Variants in FBN3 observed in about 807,000 individuals in gnomAD.
FBN3 encodes fibrillin-3.
A neutral mutation model predicts 330.1 loss-of-function variants in FBN3; 234 were observed. That is an observed-to-expected ratio of 0.71 (90% CI 0.64 to 0.79). FBN3 has a LOEUF of 0.79. FBN3 is among the 30% of genes least tolerant of loss of function. The pLI is 0.00. For synonymous variants in FBN3, 1,458 were observed against 1,517.3 expected (o/e 0.96, Z 0.91); for missense variants, 3,606 against 3,886.9 (o/e 0.93, Z 1.92).
intron 55 of FBN3, 35 bp from the exon 56 acceptor site, chr19:8,085,604 C>T (rs1041725098): frequency 6.8e-7 from 1 of 1,467,966 alleles, no homozygotes; most frequent in Non-Finnish European, 9.1e-7. Context: ...ACGGTCACTC[C>T]AGGAGGCTGG....
At chr19:8,147,061 C>T (rs1201378383) in intron 3 of FBN3, 43 bp downstream of exon 3, 4 of 1,512,204 alleles carry the variant, frequency 2.6e-6, no homozygotes, top group South Asian at 2.4e-5. Flanking sequence ...TAAGAGTGTC[C>T]CCGGCCTGTG....
chr19:8,145,373 C>G (rs1260726028), intron 5 of FBN3, among the ~76,000 whole-genome samples: 1 of 86,356 alleles, frequency 1.2e-5, no homozygotes, highest in African/African-American at 5.5e-5. Flanking sequence ...AACTCCATCT[C>G]AAAAAAAAAA....
In FBN3 at chr19:8,066,140, T is replaced by C; in HGVS notation, c.8209A>G (p.Ile2737Val). Reference sequence around the variant, plus strand: ...TTTCCGCGGACGATGACGTAGCGGATCCGGCCCTCTAGACCCTCCAGGGCC... The same window carrying C: ...TTTCCGCGGACGATGACGTAGCGGACCCGGCCCTCTAGACCCTCCAGGGCC... ...RPALEGLEGRIRYVIVRGNEQ... is the reference protein window; with the variant it reads ...RPALEGLEGRVRYVIVRGNEQ... Residue 2737 changes from isoleucine to valine, a missense_variant, in exon 64 of 64, where the codon ATC (isoleucine) becomes GTC (valine). Physicochemically the swap from Ile to Val is conservative, Grantham distance 29. Transcript: ENST00000600128. 6.2e-7 allele frequency: 1 copy of C among 1,613,476 alleles called. No individual in the cohort carries two copies. Among genetic ancestry groups the C allele is most frequent in the Non-Finnish European group, 8.5e-7 (1 of 1,180,008 alleles).
chr19:8,112,596 G>A (rs944520803), intron 30 of FBN3, among the ~76,000 whole-genome samples: 1 of 152,176 alleles, frequency 6.6e-6, no homozygotes, highest in African/African-American at 2.4e-5. Context: ...CTTGCAGTGA[G>A]CAGAGGTTGT....
rs2081781586 is a variant in FBN3, at chr19:8,081,426, G to A, written c.7268C>T (p.Thr2423Met). The A allele has an allele frequency of 7.4e-6, 12 of 1,612,484 alleles. No homozygotes were observed. The highest frequency in any genetic ancestry group is 4.0e-5 in the African/African-American group (3 of 74,828). ...PKPCTFLCKN[T>M]KGSFLCSCPR... Reference sequence around the variant, plus strand: ...ACAGCTGCACAGGAAACTGCCCTTCGTGTTTTTGCAGAGGAAGGTACATGG... The same window carrying A: ...ACAGCTGCACAGGAAACTGCCCTTCATGTTTTTGCAGAGGAAGGTACATGG... The change falls in exon 58 of 64, where the codon ACG (threonine) becomes ATG (methionine). Residue 2423 changes from threonine (T) to methionine (M), a missense_variant. Thr to Met is a moderately conservative substitution (Grantham distance 81). Coordinates refer to ENST00000600128, the MANE Select transcript of FBN3 (RefSeq NM_032447.5).
chr19:8,111,539 G>A (rs920843914), intron 32 of FBN3, 109 bp downstream of exon 32: 24 of 1,248,528 alleles, frequency 1.9e-5, no homozygotes, highest in South Asian at 1.3e-4. Context: ...ACAGAGCGGC[G>A]ATTGAGTCAG....
At chr19:8,120,165 C>CTTTTTTTTTT (rs34799960) in intron 25 of FBN3, among the ~76,000 whole-genome samples, 4 of 127,920 alleles carry the variant, frequency 3.1e-5, no homozygotes, top group African/African-American at 9.1e-5. Context: ...TTCTTTCTTT[C>CTTTTTTTTTT]TTTTTTTTTT....
chr19:8,074,450 G>A (rs918070333), intron 61 of FBN3, among the ~76,000 whole-genome samples: 1 of 152,170 alleles, frequency 6.6e-6, no homozygotes, highest in African/African-American at 2.4e-5. Context: ...CCAGGAGCCT[G>A]AAGGGGCAGA....
chr19:8,147,245 T>C, intron 2 of FBN3, 59 bp from the exon 3 acceptor site: 3 of 1,558,218 alleles, frequency 1.9e-6, no homozygotes, highest in Non-Finnish European at 2.6e-6. Flanking sequence ...TCCCCCCGGG[T>C]ATTCCGCTGG....
chr19:8,143,493 T>TTTTC (rs1202785753), intron 6 of FBN3, among the ~76,000 whole-genome samples: 6 of 116,084 alleles, frequency 5.2e-5, no homozygotes, highest in Non-Finnish European at 5.1e-5. Flanking sequence ...TTTTCTTTTC[T>TTTTC]TTTCTTTTTT....
chr19:8,098,374 C>T (rs1414290328), intron 41 of FBN3, among the ~76,000 whole-genome samples: 1 of 151,280 alleles, frequency 6.6e-6, no homozygotes, highest in Non-Finnish European at 1.5e-5. Flanking sequence ...TGGAAATAAC[C>T]TAAGTGCCCA....
In FBN3 at chr19:8,123,475, C is replaced by T. The variant is rs151226812; in HGVS notation, c.3071G>A (p.Arg1024Gln). 1.9e-5 allele frequency: 30 copies of T among 1,613,630 alleles called. No individual in the cohort carries two copies. In the Middle Eastern group the frequency reaches 4.9e-4, roughly 27 times the overall value. Residue 1024 changes from arginine (R) to glutamine (Q), a missense_variant, in exon 24 of 64, where the codon CGG becomes CAG. Arg to Gln is a conservative substitution (Grantham distance 43). Coordinates refer to ENST00000600128, the MANE Select transcript of FBN3 (RefSeq NM_032447.5). ...GAGGTGGCACCTACCTGTGCAGTTC[C>T]GTTCCTGGGCATCCAGGGCGAAGCC... The part of the protein sequence containing the change: ...AGGFALDAQE[R>Q]NCTDIDECRI...
rs1346896148 is a variant in FBN3 at position 8,095,999 on chromosome 19, G to A, written c.5621C>T (p.Pro1874Leu). ...CCCATTGTGTGTCACCACAAAGCCA[G>A]GGAAGCAGAGGCAGTTGTAGGAGCC... ...IIGSYNCLCF[P>L]GFVVTHNGDC... Residue 1874 changes from proline to leucine, a missense_variant, in exon 45 of 64, where the codon CCT (proline) becomes CTT (leucine). Coordinates refer to ENST00000600128, the MANE Select transcript of FBN3 (RefSeq NM_032447.5). 1.2e-6 allele frequency: 2 copies of A among 1,613,888 alleles called. No individual in the cohort carries two copies. Among genetic ancestry groups the A allele is most frequent in the South Asian group, 2.2e-5 (2 of 91,076 alleles).
At chr19:8,088,206 C>T (rs1207445181) in intron 51 of FBN3, 27 bp from the exon 52 acceptor site, 2 of 1,564,634 alleles carry the variant, frequency 1.3e-6, no homozygotes, top group Non-Finnish European at 8.7e-7. Context: ...GGGTGGTCAG[C>T]ACCTGCAGAG....
rs746510969 is a variant in FBN3 at position 8,075,063 on chromosome 19, T to C, written c.7702+8A>G. ...GGGCCCAGCTTCTTCCCAGCCCTTT[T>C]CACTCACCCACACACTGGGCCCACT... is the stretch of plus-strand genomic sequence containing the variant. On this transcript the variant is annotated splice_region_variant and intron_variant, in intron 61 of 63. Transcript: ENST00000600128. 30 of 1,603,706 alleles carry C rather than the reference T, an allele frequency of 1.9e-5. No individual in the cohort carries two copies. Among genetic ancestry groups the C allele is most frequent in the Middle Eastern group, 3.7e-4 (2 of 5,346 alleles).
chr19:8,145,035 G>T, intron 5 of FBN3, 63 bp from the exon 6 acceptor site: 1 of 1,415,526 alleles, frequency 7.1e-7, no homozygotes, highest in Non-Finnish European at 9.8e-7. Context: ...GGGGTTCACA[G>T]CAAGCCTGTC....
intron 63 of FBN3, among the ~76,000 whole-genome samples, chr19:8,066,972 TC>T (rs1443915246): frequency 6.6e-6 from 1 of 151,964 alleles, no homozygotes; most frequent in African/African-American, 2.4e-5. Context: ...AACTGCCTCA[TC>T]ATGCAATATA....
intron 59 of FBN3, among the ~76,000 whole-genome samples, chr19:8,078,029 T>C (rs899892472): frequency 1.3e-5 from 2 of 151,180 alleles, no homozygotes; most frequent in African/African-American, 4.9e-5. Flanking sequence ...TGAGCTGAGA[T>C]TGCACCACTG....
rs1278602929 is a variant in FBN3 at position 8,109,531 on chromosome 19, G to A, written c.4456+100C>T. The stretch of plus-strand genomic sequence containing the variant: ...CAGATGTCCCGTTTGTCAGGAGCAG[G>A]TAGATTTGAACACGTTGACATCTGA... On this transcript the variant is annotated intron_variant, in intron 35 of 63. Transcript: ENST00000600128. This position sits in a 1 kb window ranked among gnomAD's most constrained non-coding sequence, Gnocchi z 5.2. The A allele has an allele frequency of 1.3e-6, 2 of 1,539,668 alleles. No homozygotes were observed. Among genetic ancestry groups the A allele is most frequent in the Non-Finnish European group, 1.8e-6 (2 of 1,131,996 alleles).
Sources: gnomAD v4.1 joint callset for allele counts (sites outside exome capture counted in the v4.1 genomes callset) on GRCh38, gnomAD v4.1.1 for gene constraint, Gnocchi (gnomAD v3.1) non-coding constraint, MANE v1.5 for transcripts, NCBI Gene and HGNC (gene_info 2026-07-23, HGNC 2026-07-21) for gene names.